The following BEAN1 variants were observed in gnomAD, a reference collection of about 807,000 sequenced individuals.
BEAN1 encodes the protein brain expressed associated with NEDD4 1.
A neutral mutation model predicts 17.7 loss-of-function variants in BEAN1; 17 were observed. The observed-to-expected ratio is 0.96, with a 90% CI of 0.66 to 1.44. BEAN1 has a LOEUF of 1.44. Ranked by LOEUF, BEAN1 falls within the 40% of genes most tolerant of loss-of-function variation. BEAN1 has a pLI of 0.00. For missense variants in BEAN1, 359 were observed against 374.1 expected (o/e 0.96, Z 0.33); for synonymous variants, 142 against 151.8 (o/e 0.94, Z 0.47).
At chr16:66,432,005 T>C (rs1961826968) in intron 1 of BEAN1, among the ~76,000 whole-genome samples, 1 of 152,076 alleles carries the variant, frequency 6.6e-6, no homozygotes, top group South Asian at 2.1e-4. Flanking sequence ...CGAGGTTTCA[T>C]TGTTATCGCA....
intron 4 of BEAN1, among the ~76,000 whole-genome samples, chr16:66,491,866 G>A (rs1041359197): frequency 6.6e-6 from 1 of 152,106 alleles, no homozygotes; most frequent in Non-Finnish European, 1.5e-5. Context: ...CTGCTGTGCG[G>A]CCAGGTTCCT....
intron 4 of BEAN1, among the ~76,000 whole-genome samples, chr16:66,491,560 C>T (rs191261435): frequency 6.6e-6 from 1 of 152,280 alleles, no homozygotes; most frequent in East Asian, 1.9e-4. Flanking sequence ...AGTGGTACAA[C>T]TGCTCCTAAC....
rs745930431 is a variant in BEAN1, at chr16:66,477,760, A to G, written c.440+50A>G. On this transcript the variant is annotated intron_variant, in intron 4 of 4. Transcript: ENST00000536005. ...GGCATCAGAGGATGGGGCCCTGGACACAAAGACCCCCCAACTCCATCATGG... is the reference window on the plus strand; with the variant it reads ...GGCATCAGAGGATGGGGCCCTGGACGCAAAGACCCCCCAACTCCATCATGG... 3 of 1,460,518 alleles carry G rather than the reference A, an allele frequency of 2.1e-6. 1 individual carries two copies. The highest frequency in any genetic ancestry group is 2.8e-5 in the South Asian group (2 of 72,632). The allele number at this position is 1,460,518 out of a possible 1,614,324, so 90.5% of individuals were successfully genotyped here. A position where few individuals can be genotyped will look rare whatever the true frequency, so the allele number is the denominator to read the frequency against.
intron 2 of BEAN1, among the ~76,000 whole-genome samples, chr16:66,439,168 G>T (rs1302932810): frequency 6.6e-6 from 1 of 152,174 alleles, no homozygotes; most frequent in Non-Finnish European, 1.5e-5. Flanking sequence ...GCTGGCTGTG[G>T]GGTTCATTGT....
intron 3 of BEAN1, among the ~76,000 whole-genome samples, chr16:66,474,592 G>GAGAGGGAGGGAA (rs1380493195): frequency 3.9e-5 from 1 of 25,650 alleles, no homozygotes; most frequent in Non-Finnish European, 9.0e-5. Context: ...GAGGGAGGGA[G>GAGAGGGAGGGAA]GGAGGGAGGG....
Position 66,477,562 on chromosome 16 carries a change from T to C in BEAN1, c.292T>C (p.Ser98Pro). The C allele has an allele frequency of 6.5e-7, 1 of 1,541,610 alleles. No homozygotes were observed. Among genetic ancestry groups the C allele is most frequent in the Non-Finnish European group, 8.7e-7 (1 of 1,143,836 alleles). Residue 98 changes from serine (S) to proline (P), a missense_variant and splice_region_variant, in exon 4 of 5, where the codon TCG becomes CCG. Transcript: ENST00000536005. ...GGCCGGTGGTCTGTTCCCTGCAGTGTCGGACGAGCACACATACAGCCGCTC... is the reference window on the plus strand; with the variant it reads ...GGCCGGTGGTCTGTTCCCTGCAGTGCCGGACGAGCACACATACAGCCGCTC... ...RHREYEHGYV[S>P]DEHTYSRSSR... is the part of the protein sequence containing the mutation.
rs549119590 is a variant in BEAN1 at position 66,451,641 on chromosome 16, G to A, written c.25+13940G>A. On this transcript the variant is annotated intron_variant, in intron 2 of 4. Coordinates refer to ENST00000536005, the MANE Select transcript of BEAN1 (RefSeq NM_001178020.3). ...GTCATGTATTGGGCACCTATTATGA[G>A]CCAGGCATCCTGCTAGGCAGTTTGC... Among the ~76,000 whole-genome samples the A allele has an allele frequency of 1.2e-4, 19 of 152,282 alleles. 1 individual carries two copies. The South Asian group carries it at 3.9e-3, about 32-fold the overall frequency.
Position 66,481,047 on chromosome 16 carries a change from C to A in BEAN1, c.*122C>A. 1 of 731,958 alleles carries A rather than the reference C, an allele frequency of 1.4e-6. No homozygotes were observed. Among genetic ancestry groups the A allele is most frequent in the Non-Finnish European group, 2.0e-6 (1 of 488,862 alleles). 45.3% of individuals were successfully genotyped at this position (731,958 alleles called of 1,614,324 possible). A position where few individuals can be genotyped will look rare whatever the true frequency, so the allele number is the denominator to read the frequency against. ...ACTCATAACACACACATAGACCAAA[C>A]TTGTATACACACAGACATCTACACT... is the stretch of plus-strand genomic sequence containing the variant. On this transcript the variant is annotated 3_prime_UTR_variant, in exon 5 of 5. Transcript: ENST00000536005. The surrounding 1 kb of genome is among the most constrained non-coding windows in gnomAD (Gnocchi z 4.1).
At chr16:66,433,990 C>A (rs1420283466) in intron 1 of BEAN1, among the ~76,000 whole-genome samples, 1 of 152,188 alleles carries the variant, frequency 6.6e-6, no homozygotes, top group African/African-American at 2.4e-5. Context: ...ATTCCCGGAG[C>A]GGGGACATGA....
At chr16:66,487,295 T>G (rs1464547712), downstream of BEAN1, among the ~76,000 whole-genome samples, 8 of 151,966 alleles carry the variant, frequency 5.3e-5, no homozygotes, top group Non-Finnish European at 1.0e-4. Context: ...AATCGCACCA[T>G]GGGCTCCTGC....
intron 4 of BEAN1, chr16:66,492,851 G>C (rs1338545306): frequency 1.6e-6 from 1 of 611,852 alleles, no homozygotes; most frequent in African/African-American, 1.8e-5. Flanking sequence ...GTGCTTCTCA[G>C]GAGCCCCTGG....
At chr16:66,440,156 G>C (rs1314921009) in intron 2 of BEAN1, among the ~76,000 whole-genome samples, 7 of 108,078 alleles carry the variant, frequency 6.5e-5, no homozygotes, top group Admixed American at 6.2e-4. Context: ...TTGAGATGGA[G>C]TTTCACGCTG....
intron 4 of BEAN1, among the ~76,000 whole-genome samples, chr16:66,491,566 C>A (rs1283772717): frequency 2.0e-5 from 3 of 152,156 alleles, no homozygotes; most frequent in Admixed American, 2.0e-4. Context: ...ACAACTGCTC[C>A]TAACCACGAG....
chr16:66,441,683 T>A (rs1477723126), intron 2 of BEAN1, among the ~76,000 whole-genome samples: 2 of 151,682 alleles, frequency 1.3e-5, no homozygotes, highest in African/African-American at 4.8e-5. Flanking sequence ...GCACGTGAGG[T>A]CTGGAGAAAG....
At chr16:66,454,301 G>T (rs1481314547) in intron 2 of BEAN1, among the ~76,000 whole-genome samples, 1 of 152,098 alleles carries the variant, frequency 6.6e-6, no homozygotes, top group Non-Finnish European at 1.5e-5. Context: ...GTTTCTAATT[G>T]CTTTGTCAGT....
At position 66,437,613 on chromosome 16, in the gene BEAN1, CCTGCGAGAAGTCAGAG is replaced by C; in HGVS notation, c.-60_-45del. ...TCCGCAGGTGAGTGGAGGGGCCTTC[CCTGCGAGAAGTCAGAG>C]CTGTGCCCGTGGGCAGGCTGGCTCC... On this transcript the variant is annotated 5_prime_UTR_variant, in exon 2 of 5. Coordinates refer to ENST00000536005, the MANE Select transcript of BEAN1 (RefSeq NM_001178020.3). The C allele has an allele frequency of 6.6e-7, 1 of 1,505,752 alleles. No individual in the cohort carries two copies. The highest frequency in any genetic ancestry group is 2.5e-5 in the East Asian group (1 of 40,680). The allele number at this position is 1,505,752 out of a possible 1,614,324, so 93.3% of individuals were successfully genotyped here. A position where few individuals can be genotyped will look rare whatever the true frequency, so the allele number is the denominator to read the frequency against.
chr16:66,471,456 G>T lies in BEAN1; in HGVS notation c.289+1591G>T, dbSNP rs1340080818. 6.6e-6 allele frequency among the ~76,000 whole-genome samples: 1 copy of T among 152,222 alleles called. No homozygotes were observed. The highest frequency in any genetic ancestry group is 2.4e-5 in the African/African-American group (1 of 41,464). ...GCCCAGGAAGGGAGCTGGAGGTGTC[G>T]GGGAGACGCCCCTGGGAGCCGCCCC... is the stretch of plus-strand genomic sequence containing the variant. On this transcript the variant is annotated intron_variant, in intron 3 of 4. Coordinates refer to ENST00000536005, the MANE Select transcript of BEAN1 (RefSeq NM_001178020.3). This position sits in a 1 kb window ranked among gnomAD's most constrained non-coding sequence, Gnocchi z 4.7.
chr16:66,493,854 T>C (rs80255662), downstream of BEAN1, among the ~76,000 whole-genome samples: 10,253 of 152,216 alleles, frequency 0.067, 481 homozygotes, highest in South Asian at 0.18. Flanking sequence ...ACCTTCTTGG[T>C]CCCTCAACTC....
intron 1 of BEAN1, among the ~76,000 whole-genome samples, chr16:66,431,256 T>G (rs1596967681): frequency 6.6e-6 from 1 of 152,030 alleles, no homozygotes; most frequent in African/African-American, 2.4e-5. Flanking sequence ...AGCCCAGGAG[T>G]TCAAGACCAG....
Sources: allele counts gnomAD v4.1 joint callset (sites outside exome capture counted in the v4.1 genomes callset), GRCh38; gene constraint gnomAD v4.1.1; non-coding constraint Gnocchi (gnomAD v3.1); transcripts MANE v1.5; gene names NCBI Gene and HGNC (gene_info 2026-07-23, HGNC 2026-07-21).